Variants in SASH1 observed in about 807,000 individuals in gnomAD.
SASH1 encodes the protein SAM and SH3 domain-containing protein 1.
SASH1 carries 44 observed loss-of-function variants against 125.2 expected under a neutral mutation model. That is an observed-to-expected ratio of 0.35 (90% CI 0.28 to 0.45). SASH1 has a LOEUF of 0.45. Among genes scored for constraint, SASH1 ranks in the 20% least tolerant of loss-of-function variants. The pLI is 1.00. For synonymous variants in SASH1, 639 were observed against 649.1 expected, an observed-to-expected ratio of 0.98 and a Z score of 0.24; for missense variants, 1,426 against 1,614.5, an observed-to-expected ratio of 0.88 and a Z score of 2.00.
intron 1 of SASH1, among the ~76,000 whole-genome samples, chr6:148,306,181 T>C (rs1041360995): frequency 5.3e-5 from 8 of 152,148 alleles, no homozygotes; most frequent in African/African-American, 1.9e-4. Flanking sequence ...GGGGCACAGG[T>C]AAGAATAGAC....
intron 5 of SASH1, 22 bp from the exon 6 acceptor site, chr6:148,471,395 T>C (rs1053341748): frequency 1.6e-6 from 2 of 1,212,238 alleles, no homozygotes; most frequent in East Asian, 5.2e-5. Flanking sequence ...TCTTTTTTTT[T>C]TTTTTTTTTT....
At chr6:148,236,601 G>A in the SASH1 span, among the ~76,000 whole-genome samples, 18,805 of 152,192 alleles carry the variant, frequency 0.12, 1,403 homozygotes, top group Middle Eastern at 0.19. Context: ...TTGCAGGCAG[G>A]TGACAGCAAC....
chr6:148,462,549 A>G (rs1379836024), intron 4 of SASH1, among the ~76,000 whole-genome samples: 1 of 152,104 alleles, frequency 6.6e-6, no homozygotes, highest in Non-Finnish European at 1.5e-5. Context: ...AGAAGCAGAT[A>G]GGGGGGTCTT....
the SASH1 span, among the ~76,000 whole-genome samples, chr6:148,254,120 T>G: frequency 6.6e-6 from 1 of 152,026 alleles, no homozygotes; most frequent in African/African-American, 2.4e-5. Flanking sequence ...GGCACAAGAA[T>G]CGCTTGAACC....
the SASH1 span, among the ~76,000 whole-genome samples, chr6:148,253,920 T>C: frequency 2.0e-5 from 3 of 150,306 alleles, no homozygotes; most frequent in Non-Finnish European, 4.4e-5. Flanking sequence ...AGAAATAAAA[T>C]ATAGGCCAGG....
intron 1 of SASH1, among the ~76,000 whole-genome samples, chr6:148,348,964 T>C (rs1341142477): frequency 2.0e-5 from 3 of 152,182 alleles, no homozygotes; most frequent in African/African-American, 7.2e-5. Flanking sequence ...CAGGAGCGTC[T>C]GGGCGGCCCC....
At chr6:148,485,918 G>T (rs1778818620) in intron 7 of SASH1, among the ~76,000 whole-genome samples, 1 of 152,040 alleles carries the variant, frequency 6.6e-6, no homozygotes, top group South Asian at 2.1e-4. Context: ...ATTCATATGT[G>T]CACACTGCTT....
intron 2 of SASH1, among the ~76,000 whole-genome samples, chr6:148,395,604 G>A (rs1783919369): frequency 6.6e-6 from 1 of 152,152 alleles, no homozygotes; most frequent in South Asian, 2.1e-4. Flanking sequence ...TTTTTATTTA[G>A]CACCAAATGG....
intron 2 of SASH1, among the ~76,000 whole-genome samples, chr6:148,432,295 G>T (rs1412276258): frequency 6.6e-6 from 1 of 152,140 alleles, no homozygotes; most frequent in Non-Finnish European, 1.5e-5. Context: ...TTTTTAAGTA[G>T]AGTTTATCTG....
intron 2 of SASH1, among the ~76,000 whole-genome samples, chr6:148,429,145 A>G (rs1003385072): frequency 1.3e-5 from 2 of 152,170 alleles, no homozygotes; most frequent in Non-Finnish European, 2.9e-5. Context: ...TTTGCTTCCT[A>G]GTGTAACTCT....
chr6:148,430,520 T>C (rs1481049488), intron 2 of SASH1, among the ~76,000 whole-genome samples: 2 of 152,000 alleles, frequency 1.3e-5, no homozygotes, highest in African/African-American at 2.4e-5. Flanking sequence ...TTAGTGGAGA[T>C]GAGGTTTCAC....
chr6:148,445,391 A>G (rs1776728323), intron 4 of SASH1, among the ~76,000 whole-genome samples: 1 of 152,200 alleles, frequency 6.6e-6, no homozygotes, highest in African/African-American at 2.4e-5. Flanking sequence ...CTGGCTGAAC[A>G]GGTGAAATTA....
chr6:148,355,326 C>T (rs1781888968), intron 1 of SASH1, among the ~76,000 whole-genome samples: 1 of 152,196 alleles, frequency 6.6e-6, no homozygotes, highest in Non-Finnish European at 1.5e-5. Context: ...ACTCACCTAA[C>T]ATGTGACGCC....
At chr6:148,252,676 G>T in the SASH1 span, among the ~76,000 whole-genome samples, 1 of 151,884 alleles carries the variant, frequency 6.6e-6, no homozygotes, top group African/African-American at 2.4e-5. Context: ...GCAGGGTTTC[G>T]CCATGTTGGC....
chr6:148,461,165 A>ACT (rs1404871143), intron 4 of SASH1, among the ~76,000 whole-genome samples: 31 of 152,220 alleles, frequency 2.0e-4, no homozygotes, highest in Non-Finnish European at 4.0e-4. Context: ...GCACTTAGAA[A>ACT]GACAGTCAAG....
chr6:148,346,356 A>G (rs72563854), intron 1 of SASH1, among the ~76,000 whole-genome samples: 12,322 of 152,260 alleles, frequency 0.081, 770 homozygotes, highest in East Asian at 0.32. Context: ...GATAATTGTT[A>G]ACAAAGTGCT....
intron 9 of SASH1, among the ~76,000 whole-genome samples, chr6:148,516,797 T>C (rs1391095418): frequency 6.6e-6 from 1 of 152,066 alleles, no homozygotes; most frequent in Non-Finnish European, 1.5e-5. Flanking sequence ...CCCAGCACGA[T>C]GTCCAGGCAG....
chr6:148,390,604 G>A (rs1783664185), intron 2 of SASH1, among the ~76,000 whole-genome samples: 1 of 152,096 alleles, frequency 6.6e-6, no homozygotes. Flanking sequence ...CGCTAACACG[G>A]TGAAACCCCG....
the SASH1 span, among the ~76,000 whole-genome samples, chr6:148,223,894 T>C: frequency 1.3e-5 from 2 of 152,232 alleles, no homozygotes; most frequent in Non-Finnish European, 2.9e-5. Flanking sequence ...CTGCTTTGGC[T>C]CTTTGGAATT....
Sources: allele counts gnomAD v4.1 joint callset (sites outside exome capture counted in the v4.1 genomes callset), GRCh38; gene constraint gnomAD v4.1.1; transcripts MANE v1.5; gene names NCBI Gene and HGNC (gene_info 2026-07-23, HGNC 2026-07-21).